CLCN3: variants seen among roughly 807,000 people sequenced by gnomAD.
CLCN3 encodes the protein H(+)/Cl(-) exchange transporter 3.
CLCN3 carries 16 observed loss-of-function variants against 83.4 expected under a neutral mutation model. That is an observed-to-expected ratio of 0.19 (90% CI 0.13 to 0.29). CLCN3 has a LOEUF of 0.29. Among genes scored for constraint, CLCN3 ranks in the 10% least tolerant of loss-of-function variants. CLCN3 has a pLI of 1.00. For synonymous variants in CLCN3, 322 were observed against 346.2 expected (o/e 0.93, Z 0.78); for missense variants, 544 against 1,006.0 (o/e 0.54, Z 6.21).
chr4:169,644,392 G>A (rs909642634), intron 2 of CLCN3, among the ~76,000 whole-genome samples: 1 of 151,794 alleles, frequency 6.6e-6, no homozygotes, highest in Non-Finnish European at 1.5e-5. Flanking sequence ...TGAGTAGCTG[G>A]GATTACAGAT....
intron 2 of CLCN3, among the ~76,000 whole-genome samples, chr4:169,675,191 A>G (rs1263798467): frequency 2.6e-5 from 4 of 152,150 alleles, no homozygotes; most frequent in Non-Finnish European, 5.9e-5. Context: ...CAAAAAACCT[A>G]CTCTATAGTT....
chr4:169,671,818 G>T (rs1731468529), intron 2 of CLCN3, among the ~76,000 whole-genome samples: 1 of 152,062 alleles, frequency 6.6e-6, no homozygotes, highest in African/African-American at 2.4e-5. Context: ...CTTTCCTGGA[G>T]GTGTTCCACT....
chr4:169,648,661 T>C (rs141929654), intron 2 of CLCN3, among the ~76,000 whole-genome samples: 84 of 152,340 alleles, frequency 5.5e-4, no homozygotes, highest in African/African-American at 1.9e-3. Context: ...GCTTATACTC[T>C]AGTGATAGAG....
At position 169,679,927 on chromosome 4, in the gene CLCN3, T is replaced by G. The variant is rs1581242052; in HGVS notation, c.161-123T>G. 22 of 740,782 alleles carry G rather than the reference T, an allele frequency of 3.0e-5. 1 individual carries two copies. Among genetic ancestry groups the G allele is most frequent in the Admixed American group, 4.8e-5 (2 of 41,418 alleles). 45.9% of individuals were successfully genotyped at this position (740,782 alleles called of 1,614,324 possible). A position where few individuals can be genotyped will look rare whatever the true frequency, so the allele number is the denominator to read the frequency against. On this transcript the variant is annotated intron_variant, in intron 2 of 12. Transcript: ENST00000513761. Reference sequence around the variant, plus strand: ...GGGGGAGACCGTGGAAAGCGGGAGGTGGAGACGAGGGAGAGGGAGAGGGAT... The same window carrying G: ...GGGGGAGACCGTGGAAAGCGGGAGGGGGAGACGAGGGAGAGGGAGAGGGAT...
chr4:169,638,855 T>C (rs1730319794), intron 2 of CLCN3, among the ~76,000 whole-genome samples: 1 of 152,210 alleles, frequency 6.6e-6, no homozygotes, highest in African/African-American at 2.4e-5. Flanking sequence ...CTGGCCATAA[T>C]TGGGTCACAT....
intron 7 of CLCN3, 70 bp from the exon 8 acceptor site, chr4:169,695,542 C>T (rs1279804781): frequency 4.9e-5 from 56 of 1,136,882 alleles, no homozygotes; most frequent in Middle Eastern, 4.3e-4. Flanking sequence ...ATTCAAGTAA[C>T]ATGAAGAATT....
At chr4:169,676,110 G>C (rs764113956) in intron 2 of CLCN3, among the ~76,000 whole-genome samples, 21 of 152,140 alleles carry the variant, frequency 1.4e-4, no homozygotes, top group Non-Finnish European at 2.6e-4. Context: ...GTGTATTACT[G>C]TATAAATTTT....
chr4:169,631,499 A>G (rs1392780188), intron 1 of CLCN3, among the ~76,000 whole-genome samples: 1 of 152,042 alleles, frequency 6.6e-6, no homozygotes, highest in Non-Finnish European at 1.5e-5. Context: ...CATGTTAGCC[A>G]GGATGGTCTT....
chr4:169,707,280 A>AAT lies in CLCN3; in HGVS notation c.2149+23_2149+24dup, dbSNP rs1350698799. 6 of 1,558,644 alleles carry AAT rather than the reference A, an allele frequency of 3.8e-6. No homozygotes were observed. In the East Asian group the frequency reaches 1.1e-4, roughly 29 times the overall value. On this transcript the variant is annotated intron_variant, in intron 11 of 12. Transcript: ENST00000513761. Reference sequence around the variant, plus strand: ...CAATTGCAATAGGTACCCTTTCAAAAATATATATATGTATATATGAGATGG... The same window carrying AAT: ...CAATTGCAATAGGTACCCTTTCAAAAATATATATATATGTATATATGAGATGG...
At chr4:169,641,637 C>G (rs1162768331) in intron 2 of CLCN3, among the ~76,000 whole-genome samples, 1 of 152,164 alleles carries the variant, frequency 6.6e-6, no homozygotes, top group African/African-American at 2.4e-5. Context: ...ATATTCATAA[C>G]TACTGCCTAC....
chr4:169,620,653 T>A lies in CLCN3; in HGVS notation c.-427T>A. Reference sequence around the variant, plus strand: ...CTTTCCCAGTGTTCTAGTTCGCCCGTGACCCGGAATAATGAGCAAGGAGGG... The same window carrying A: ...CTTTCCCAGTGTTCTAGTTCGCCCGAGACCCGGAATAATGAGCAAGGAGGG... On this transcript the variant is annotated 5_prime_UTR_variant, in exon 1 of 13. Transcript: ENST00000513761. 1 of 397,962 alleles carries A rather than the reference T, an allele frequency of 2.5e-6. No homozygotes were observed. The highest frequency in any genetic ancestry group is 4.4e-6 in the Non-Finnish European group (1 of 226,078). The allele number at this position is 397,962 out of a possible 1,614,324, so 24.7% of individuals were successfully genotyped here.
intron 9 of CLCN3, 49 bp from the exon 10 acceptor site, chr4:169,703,949 A>G: frequency 2.6e-6 from 4 of 1,540,566 alleles, no homozygotes; most frequent in Non-Finnish European, 3.6e-6. Flanking sequence ...AGTTTCAGGC[A>G]TGTGAGTAGA....
At chr4:169,674,661 A>AATTATT (rs930834773) in intron 2 of CLCN3, among the ~76,000 whole-genome samples, 9 of 152,144 alleles carry the variant, frequency 5.9e-5, no homozygotes, top group Middle Eastern at 6.8e-3. Context: ...GAATGGTATC[A>AATTATT]ATTATTATTA....
intron 10 of CLCN3, among the ~76,000 whole-genome samples, chr4:169,706,590 G>A (rs1420315153): frequency 1.3e-5 from 2 of 152,150 alleles, no homozygotes; most frequent in African/African-American, 4.8e-5. Context: ...GTTTTAGTCG[G>A]TAAGCTTTGC....
chr4:169,636,919 C>CT (rs1380273645), intron 2 of CLCN3, among the ~76,000 whole-genome samples: 59 of 146,340 alleles, frequency 4.0e-4, no homozygotes, highest in Admixed American at 4.8e-4. Context: ...ACTTCCATTT[C>CT]TTTTTTTTTT....
intron 4 of CLCN3, 138 bp from the exon 5 acceptor site, chr4:169,688,905 A>G (rs1322042203): frequency 3.3e-6 from 2 of 606,410 alleles, no homozygotes; most frequent in African/African-American, 1.9e-5. Flanking sequence ...AAAATTTGAA[A>G]ATCTTAAATT....
intron 10 of CLCN3, 33 bp from the exon 11 acceptor site, chr4:169,706,835 C>G: frequency 6.4e-7 from 1 of 1,572,240 alleles, no homozygotes; most frequent in Non-Finnish European, 8.7e-7. Context: ...AGGATCCTGT[C>G]CTTCCTGACC....
At chr4:169,717,441 A>G (rs758629664) in intron 12 of CLCN3, among the ~76,000 whole-genome samples, 1 of 152,192 alleles carries the variant, frequency 6.6e-6, no homozygotes, top group Admixed American at 6.5e-5. Flanking sequence ...AGAACATTGT[A>G]AATGAAACTC....
chr4:169,685,946 AC>A (rs1281073931), intron 3 of CLCN3, among the ~76,000 whole-genome samples: 2 of 152,110 alleles, frequency 1.3e-5, no homozygotes. Context: ...CTTAGAACTT[AC>A]CGTGTCATTT....
Sources: allele counts gnomAD v4.1 joint callset (sites outside exome capture counted in the v4.1 genomes callset), GRCh38; gene constraint gnomAD v4.1.1; transcripts MANE v1.5; gene names NCBI Gene and HGNC (gene_info 2026-07-23, HGNC 2026-07-21).